PBX1: variants seen among roughly 807,000 people sequenced by gnomAD.
PBX1 encodes pre-B-cell leukemia transcription factor 1.
Under a neutral mutation model 53.4 loss-of-function variants are expected in PBX1, and 6 were observed. The ratio of observed to expected loss-of-function variants is 0.11; its 90% CI spans 0.06 to 0.22. The LOEUF is 0.22. Ranked by LOEUF, PBX1 falls within the 10% of genes least tolerant of loss-of-function variation. PBX1 has a pLI of 1.00. For synonymous variants in PBX1, 204 were observed against 212.3 expected (o/e 0.96, Z 0.34); for missense variants, 251 against 551.4 (o/e 0.46, Z 5.46).
At chr1:164,777,422 C>T (rs1265666630) in intron 2 of PBX1, among the ~76,000 whole-genome samples, 2 of 152,112 alleles carry the variant, frequency 1.3e-5, no homozygotes, top group Admixed American at 6.5e-5. Flanking sequence ...GACCCTGCCT[C>T]AAACAACAAC....
At chr1:164,655,270 C>T (rs1388143053) in intron 2 of PBX1, among the ~76,000 whole-genome samples, 4 of 152,052 alleles carry the variant, frequency 2.6e-5, no homozygotes, top group South Asian at 2.1e-4. Flanking sequence ...TGCGCCACCA[C>T]GCCTGTCTAA....
chr1:164,563,250 A>T lies in PBX1; in HGVS notation c.204A>T (p.Leu68Phe). 6.2e-7 allele frequency: 1 copy of T among 1,610,852 alleles called. No homozygotes were observed. The highest frequency in any genetic ancestry group is 8.5e-7 in the Non-Finnish European group (1 of 1,177,910). The change falls in exon 2 of 9, where the codon TTA becomes TTT. Residue 68 changes from leucine (L) to phenylalanine (F), a missense_variant. By Grantham distance (22) the Leu-to-Phe change is conservative. This residue lies in a region of PBX1 where 76 missense variants were observed against 197.5 expected (regional missense o/e 0.38). Coordinates refer to ENST00000420696, the MANE Select transcript of PBX1 (RefSeq NM_002585.4). The stretch of plus-strand genomic sequence containing the variant: ...TTCTTTCTTGCAGAAAACATGCTTT[A>T]AACTGCCACAGAATGAAGCCTGCCT... Reference protein sequence around the residue: ...LDEAQARKHALNCHRMKPALF... With the variant: ...LDEAQARKHAFNCHRMKPALF...
chr1:164,798,230 CTATTGT>C (rs1341028087), intron 3 of PBX1, among the ~76,000 whole-genome samples: 1 of 152,206 alleles, frequency 6.6e-6, no homozygotes, highest in African/African-American at 2.4e-5. Context: ...TAAATGTCTA[CTATTGT>C]TATTGTTATT....
intron 2 of PBX1, among the ~76,000 whole-genome samples, chr1:164,759,847 G>C (rs571296685): frequency 6.6e-6 from 1 of 152,260 alleles, no homozygotes; most frequent in South Asian, 2.1e-4. Context: ...GTTATGGCCT[G>C]TGCTCCTGAC....
At chr1:164,731,210 T>G (rs891161073) in intron 2 of PBX1, among the ~76,000 whole-genome samples, 1 of 152,262 alleles carries the variant, frequency 6.6e-6, no homozygotes, top group South Asian at 2.1e-4. Flanking sequence ...GATGACCTAC[T>G]TGACCTATTT....
intron 2 of PBX1, among the ~76,000 whole-genome samples, chr1:164,597,421 G>A (rs541105428): frequency 1.3e-5 from 2 of 152,282 alleles, no homozygotes; most frequent in South Asian, 4.1e-4. Context: ...GTTCTATGAC[G>A]ACGTGGAACT....
At chr1:164,649,077 G>A (rs1220983352) in intron 2 of PBX1, among the ~76,000 whole-genome samples, 1 of 151,984 alleles carries the variant, frequency 6.6e-6, no homozygotes, top group Non-Finnish European at 1.5e-5. Context: ...CATTTTCAGG[G>A]GGTCCATGCT....
At chr1:164,702,732 C>A (rs1663197534) in intron 2 of PBX1, among the ~76,000 whole-genome samples, 1 of 152,034 alleles carries the variant, frequency 6.6e-6, no homozygotes, top group Non-Finnish European at 1.5e-5. Flanking sequence ...GAAATCACTT[C>A]TTTGTCTAAA....
chr1:164,867,743 T>G (rs898998500), intron 2 of PBX1, among the ~76,000 whole-genome samples: 2 of 152,252 alleles, frequency 1.3e-5, no homozygotes, highest in African/African-American at 4.8e-5. Context: ...TACCAACTGC[T>G]TCATATCCCC....
At position 164,599,071 on chromosome 1, in the gene PBX1, ATTTTT is replaced by A. The variant is rs375145672; in HGVS notation, c.265+35773_265+35777del. Among the ~76,000 whole-genome samples, 571 of 118,834 alleles carry A rather than the reference ATTTTT, an allele frequency of 4.8e-3. 2 individuals carry two copies. The highest frequency in any genetic ancestry group is 0.015 in the Admixed American group (158 of 10,502). The allele number at this position is 118,834 out of a possible 152,430, so 78.0% of individuals were successfully genotyped here. On this transcript the variant is annotated intron_variant, in intron 2 of 8. Transcript: ENST00000420696. ...ATTTTCTGTCTCTTTTTTCCTCCTGATTTTTTTTTTTTTTTTTGCAAAGAAGAGTG... is the reference window on the plus strand; with the variant it reads ...ATTTTCTGTCTCTTTTTTCCTCCTGATTTTTTTTTTTTGCAAAGAAGAGTG...
chr1:164,669,839 C>T lies in PBX1; in HGVS notation c.265+106528C>T, dbSNP rs373000701. The stretch of plus-strand genomic sequence containing the variant: ...TCTATTATTGCTTTACTTTCTGTTT[C>T]TCCCTTCAAGTCAGTTGGTTCTTGT... On this transcript the variant is annotated intron_variant, in intron 2 of 8. Transcript: ENST00000420696. Among the ~76,000 whole-genome samples, 36 of 152,294 alleles carry T rather than the reference C, an allele frequency of 2.4e-4. 1 individual carries two copies. The East Asian group carries it at 4.3e-3, about 18-fold the overall frequency.
intron 2 of PBX1, among the ~76,000 whole-genome samples, chr1:164,687,426 G>A (rs1238997780): frequency 1.3e-5 from 2 of 151,984 alleles, no homozygotes; most frequent in Non-Finnish European, 2.9e-5. Flanking sequence ...GCCAGGTGTG[G>A]TGGGGCACGC....
chr1:164,851,064 G>A lies in PBX1; in HGVS notation c.*4388G>A, dbSNP rs191566129. Reference sequence around the variant, plus strand: ...CTGGTTTTGGATGAAGAGTTAATGAGATATTGGGCCAGGCTCAATGCTGTA... The same window carrying A: ...CTGGTTTTGGATGAAGAGTTAATGAAATATTGGGCCAGGCTCAATGCTGTA... On this transcript the variant is annotated 3_prime_UTR_variant, in exon 9 of 9. Transcript: ENST00000420696. 4.5e-6 allele frequency: 1 copy of A among 223,888 alleles called. No individual in the cohort carries two copies. The highest frequency in any genetic ancestry group is 2.2e-5 in the African/African-American group (1 of 44,910). The allele number at this position is 223,888 out of a possible 1,614,324, so 13.9% of individuals were successfully genotyped here.
chr1:164,616,279 A>C (rs1392403468), intron 2 of PBX1, among the ~76,000 whole-genome samples: 2 of 136,686 alleles, frequency 1.5e-5, no homozygotes, highest in Non-Finnish European at 1.6e-5. Context: ...TGCCCTCATG[A>C]TCATTCTCTG....
intron 2 of PBX1, among the ~76,000 whole-genome samples, chr1:164,668,973 CTG>C (rs1660969897): frequency 6.6e-6 from 1 of 152,196 alleles, no homozygotes; most frequent in South Asian, 2.1e-4. Flanking sequence ...GGTAGGAAGA[CTG>C]TGTGTTACGA....
chr1:164,702,375 T>G (rs994432466), intron 2 of PBX1, among the ~76,000 whole-genome samples: 3 of 152,150 alleles, frequency 2.0e-5, no homozygotes, highest in African/African-American at 7.2e-5. Context: ...GAGATGTCAT[T>G]GTATTGACTC....
chr1:164,700,854 C>T (rs1215313070), intron 2 of PBX1: 3 of 399,300 alleles, frequency 7.5e-6, no homozygotes, highest in Non-Finnish European at 1.0e-5. Context: ...GATATGGACT[C>T]CCATCTGCCT....
rs1667680416 is a variant in PBX1 at position 164,776,926 on chromosome 1, T to TA, written c.266-15568_266-15567insA. ...GTGTGTGTGTGTGTGTGTGTGTGTG[T>TA]GTGTGTGTGGTGGGAGGAGAGAGAG... is the stretch of plus-strand genomic sequence containing the variant. On this transcript the variant is annotated intron_variant, in intron 2 of 8. Transcript: ENST00000420696. Among the ~76,000 whole-genome samples the TA allele has an allele frequency of 4.2e-5, 5 of 118,244 alleles. No individual in the cohort carries two copies. The East Asian group carries it at 8.4e-4, about 20-fold the overall frequency. The allele number at this position is 118,244 out of a possible 152,430, so 77.6% of individuals were successfully genotyped here. A position where few individuals can be genotyped will look rare whatever the true frequency, so the allele number is the denominator to read the frequency against.
At chr1:164,617,516 G>A (rs1657359024) in intron 2 of PBX1, among the ~76,000 whole-genome samples, 1 of 152,220 alleles carries the variant, frequency 6.6e-6, no homozygotes, top group Admixed American at 6.5e-5. Flanking sequence ...ATGTGAGGAA[G>A]CGTTGTATTG....
Sources: gnomAD v4.1 joint callset for allele counts (sites outside exome capture counted in the v4.1 genomes callset) on GRCh38, gnomAD v4.1.1 for gene constraint, gnomAD v4.1.1 regional missense constraint, MANE v1.5 for transcripts, NCBI Gene and HGNC (gene_info 2026-07-23, HGNC 2026-07-21) for gene names.